The following FBXO40 variants were observed in gnomAD, a reference collection of about 807,000 sequenced individuals.
The protein encoded by FBXO40 is F-box only protein 40.
In FBXO40, 50 loss-of-function variants were observed where a neutral mutation model predicts 49.9. The ratio of observed to expected loss-of-function variants is 1.00; its 90% CI spans 0.80 to 1.27. The LOEUF is 1.27. Ranked by LOEUF, FBXO40 falls within the 50% of genes most tolerant of loss-of-function variation. FBXO40 has a pLI of 0.00. For missense variants in FBXO40, 895 were observed against 870.1 expected (o/e 1.03, Z -0.36); for synonymous variants, 340 against 320.2 (o/e 1.06, Z -0.66).
Position 121,628,092 on chromosome 3 carries a change from A to C in FBXO40, c.*1182A>C, listed in dbSNP as rs2049072573. 1 of 396,570 alleles carries C rather than the reference A, an allele frequency of 2.5e-6. No individual in the cohort carries two copies. The allele number at this position is 396,570 out of a possible 1,614,324, so 24.6% of individuals were successfully genotyped here. On this transcript the variant is annotated 3_prime_UTR_variant, in exon 4 of 4. Transcript: ENST00000338040. ...ATAAGAACAAAAGTAAAAGAAAAAAAGACACAGTAGAAACTGGCATCCCCT... is the reference window on the plus strand; with the variant it reads ...ATAAGAACAAAAGTAAAAGAAAAAACGACACAGTAGAAACTGGCATCCCCT...
chr3:121,596,122 A>G (rs1378601197), intron 1 of FBXO40, among the ~76,000 whole-genome samples: 2 of 152,190 alleles, frequency 1.3e-5, no homozygotes, highest in Non-Finnish European at 2.9e-5. Context: ...CACCTGCTAT[A>G]CGTGTTAGCA....
intron 1 of FBXO40, among the ~76,000 whole-genome samples, chr3:121,594,188 T>C (rs983663194): frequency 1.3e-5 from 2 of 151,414 alleles, no homozygotes; most frequent in African/African-American, 4.9e-5. Context: ...ATTATTTATT[T>C]ATTTATTTAA....
intron 3 of FBXO40, 111 bp from the exon 4 acceptor site, chr3:121,626,584 G>A: frequency 2.1e-6 from 2 of 949,238 alleles, no homozygotes; most frequent in Non-Finnish European, 3.3e-6. Flanking sequence ...TAAACACTCT[G>A]GAGTCTAAGA....
rs753693720 is a variant in FBXO40, at chr3:121,599,724, A to AT, written c.-31+6237dup. Among the ~76,000 whole-genome samples the AT allele has an allele frequency of 2.2e-3, 212 of 97,176 alleles. 1 individual carries two copies. The highest frequency in any genetic ancestry group is 4.2e-3 in the African/African-American group (101 of 24,076). The allele number at this position is 97,176 out of a possible 152,430, so 63.8% of individuals were successfully genotyped here. On this transcript the variant is annotated intron_variant, in intron 1 of 3. Transcript: ENST00000338040. ...CACACACATATATATATATATATATATTTTTTTTTTTTTTTGGAGACGGAG... is the reference window on the plus strand; with the variant it reads ...CACACACATATATATATATATATATATTTTTTTTTTTTTTTTGGAGACGGAG...
rs185142618 is a variant in FBXO40 at position 121,611,601 on chromosome 3, G to A, written c.-30-8945G>A. Among the ~76,000 whole-genome samples, 36 of 152,180 alleles carry A rather than the reference G, an allele frequency of 2.4e-4. No individual in the cohort carries two copies. In the East Asian group the frequency reaches 2.9e-3, roughly 12 times the overall value. ...ATACCGAGACATTCAGTTCCCAGGGGCAGGCAGGAGACAGTGGCCTTCCTC... is the reference window on the plus strand; with the variant it reads ...ATACCGAGACATTCAGTTCCCAGGGACAGGCAGGAGACAGTGGCCTTCCTC... On this transcript the variant is annotated intron_variant, in intron 1 of 3. Coordinates refer to ENST00000338040, the MANE Select transcript of FBXO40 (RefSeq NM_016298.4).
At chr3:121,595,539 C>T (rs563576135) in intron 1 of FBXO40, among the ~76,000 whole-genome samples, 7 of 152,228 alleles carry the variant, frequency 4.6e-5, no homozygotes, top group Non-Finnish European at 7.4e-5. Context: ...AGAGAGATTT[C>T]TAGTATAGGT....
chr3:121,598,293 A>G (rs2048882939), intron 1 of FBXO40, among the ~76,000 whole-genome samples: 1 of 152,248 alleles, frequency 6.6e-6, no homozygotes, highest in South Asian at 2.1e-4. Flanking sequence ...TCATGGGCCA[A>G]GAGAAGGACT....
chr3:121,622,574 A>C lies in FBXO40; in HGVS notation c.1145A>C (p.Asp382Ala), dbSNP rs1341061331. ...GAACACAAGGCAGTGGATACTTCAG[A>C]TTTGGGGATCACTGTGGAGGACCTG... ...PSEHKAVDTSDLGITVEDLPK... is the reference protein window; with the variant it reads ...PSEHKAVDTSALGITVEDLPK... The change falls in exon 3 of 4, where the codon GAT becomes GCT. Residue 382 changes from aspartate (D) to alanine (A), a missense_variant. By Grantham distance (126) the Asp-to-Ala change is moderately radical. Coordinates refer to ENST00000338040, the MANE Select transcript of FBXO40 (RefSeq NM_016298.4). 6.2e-7 allele frequency: 1 copy of C among 1,614,082 alleles called. No individual in the cohort carries two copies. The highest frequency in any genetic ancestry group is 8.5e-7 in the Non-Finnish European group (1 of 1,180,048).
At chr3:121,615,578 AG>A (rs1309239329) in intron 1 of FBXO40, among the ~76,000 whole-genome samples, 8 of 146,924 alleles carry the variant, frequency 5.4e-5, no homozygotes, top group African/African-American at 2.0e-4. Context: ...AAAAAAAAAA[AG>A]AAGAAGAAGA....
At chr3:121,624,797 C>T (rs780308706) in intron 3 of FBXO40, among the ~76,000 whole-genome samples, 2 of 152,090 alleles carry the variant, frequency 1.3e-5, no homozygotes, top group Non-Finnish European at 2.9e-5. Flanking sequence ...GCATAACTCT[C>T]TAGGTAGCTA....
In FBXO40 at chr3:121,627,772, A is replaced by G; in HGVS notation, c.*862A>G. 2.5e-6 allele frequency: 1 copy of G among 398,590 alleles called. No individual in the cohort carries two copies. The highest frequency in any genetic ancestry group is 4.4e-6 in the Non-Finnish European group (1 of 226,060). The allele number at this position is 398,590 out of a possible 1,614,324, so 24.7% of individuals were successfully genotyped here. On this transcript the variant is annotated 3_prime_UTR_variant, in exon 4 of 4. Transcript: ENST00000338040. Reference sequence around the variant, plus strand: ...CCATGGCCCTGGGCCACCCTGTGCTATCTGAAATGACCTCAATACACTAAT... The same window carrying G: ...CCATGGCCCTGGGCCACCCTGTGCTGTCTGAAATGACCTCAATACACTAAT...
rs1464239848 is a variant in FBXO40 at position 121,622,827 on chromosome 3, G to C, written c.1398G>C (p.Arg466Ser). 3 of 1,614,060 alleles carry C rather than the reference G, an allele frequency of 1.9e-6. No homozygotes were observed. Among genetic ancestry groups the C allele is most frequent in the Non-Finnish European group, 2.5e-6 (3 of 1,180,050 alleles). Reference sequence around the variant, plus strand: ...AGCTCCACAGCGAGTGTGTGACCAGGAGACACAACAAAAGCAGCTCTGCCT... The same window carrying C: ...AGCTCCACAGCGAGTGTGTGACCAGCAGACACAACAAAAGCAGCTCTGCCT... ...HVELHSECVT[R>S]RHNKSSSAFT... Residue 466 changes from arginine (R) to serine (S), a missense_variant, in exon 3 of 4, where the codon AGG becomes AGC. By Grantham distance (110) the Arg-to-Ser change is moderately radical (BLOSUM62 -1). Coordinates refer to ENST00000338040, the MANE Select transcript of FBXO40 (RefSeq NM_016298.4).
chr3:121,621,729 C>T lies in FBXO40; in HGVS notation c.300C>T (p.Asn100=), dbSNP rs779041686. The T allele has an allele frequency of 1.2e-6, 2 of 1,614,244 alleles. No homozygotes were observed. Among genetic ancestry groups the T allele is most frequent in the East Asian group, 2.2e-5 (1 of 44,888 alleles). Residue 100 remains asparagine (N), a synonymous_variant, in exon 3 of 4, where the codon AAC becomes AAT. Transcript: ENST00000338040. ...ASVVCCSMEW[N]RWPNVDSETT... ...TGGTCTGCTGCTCCATGGAGTGGAA[C>T]CGCTGGCCAAATGTGGACTCTGAAA... is the stretch of plus-strand genomic sequence containing the variant.
intron 1 of FBXO40, among the ~76,000 whole-genome samples, chr3:121,595,515 A>G (rs936014224): frequency 1.7e-4 from 26 of 152,230 alleles, no homozygotes; most frequent in Admixed American, 1.4e-3. Flanking sequence ...TCAATAACTA[A>G]TAAGTATAAA....
chr3:121,598,762 C>T (rs894470758), intron 1 of FBXO40, among the ~76,000 whole-genome samples: 5 of 152,178 alleles, frequency 3.3e-5, no homozygotes, highest in Admixed American at 1.3e-4. Flanking sequence ...GCAATCCTCC[C>T]ACCTTGGTCT....
chr3:121,600,615 A>G (rs2048897010), intron 1 of FBXO40, among the ~76,000 whole-genome samples: 1 of 152,094 alleles, frequency 6.6e-6, no homozygotes, highest in South Asian at 2.1e-4. Flanking sequence ...TTTTTCCCAC[A>G]CCATGTGGAT....
At chr3:121,601,777 T>C (rs922628371) in intron 1 of FBXO40, among the ~76,000 whole-genome samples, 4 of 152,218 alleles carry the variant, frequency 2.6e-5, no homozygotes, top group Admixed American at 1.3e-4. Context: ...ATTATTCCAT[T>C]TGTGATTTTC....
intron 3 of FBXO40, among the ~76,000 whole-genome samples, chr3:121,626,486 C>T (rs943837802): frequency 2.6e-5 from 4 of 152,028 alleles, no homozygotes; most frequent in Admixed American, 2.0e-4. Context: ...CTCACAACTA[C>T]AGGGCTGGTT....
intron 2 of FBXO40, 44 bp downstream of exon 2, chr3:121,620,622 A>C: frequency 6.2e-7 from 1 of 1,613,296 alleles, no homozygotes; most frequent in Non-Finnish European, 8.5e-7. Flanking sequence ...TGAGAGGTCC[A>C]GGTCTTCCTT....
Sources: allele counts gnomAD v4.1 joint callset (sites outside exome capture counted in the v4.1 genomes callset), GRCh38; gene constraint gnomAD v4.1.1; transcripts MANE v1.5; gene names NCBI Gene and HGNC (gene_info 2026-07-23, HGNC 2026-07-21).